ARMH3: variants seen among roughly 807,000 people sequenced by gnomAD.
ARMH3 encodes the protein armadillo like helical domain containing 3.
Under a neutral mutation model 99.1 loss-of-function variants are expected in ARMH3, and 60 were observed. That is an observed-to-expected ratio of 0.61 (90% CI 0.49 to 0.75). ARMH3 has a LOEUF of 0.75. ARMH3 is among the 30% of genes least tolerant of loss of function. The probability of loss-of-function intolerance (pLI) is 0.00; values close to 1 mark genes in which losing one functional copy is unlikely to be tolerated. For synonymous variants in ARMH3, 285 were observed against 292.8 expected (o/e 0.97, Z 0.27); for missense variants, 679 against 843.1 (o/e 0.81, Z 2.41).
chr10:101,956,926 A>T (rs1242600872), intron 21 of ARMH3, among the ~76,000 whole-genome samples: 2 of 152,182 alleles, frequency 1.3e-5, no homozygotes, highest in African/African-American at 4.8e-5. Flanking sequence ...TATTAAAATG[A>T]AAGTAATAAA....
At chr10:101,878,966 G>A (rs910262244) in intron 24 of ARMH3, among the ~76,000 whole-genome samples, 3 of 152,108 alleles carry the variant, frequency 2.0e-5, no homozygotes, top group Non-Finnish European at 1.5e-5. Flanking sequence ...ACCATACTGT[G>A]CCAGGATCTT....
intron 1 of ARMH3, among the ~76,000 whole-genome samples, chr10:102,050,036 G>A (rs181758660): frequency 2.0e-5 from 3 of 152,030 alleles, no homozygotes; most frequent in Admixed American, 6.5e-5. Flanking sequence ...CCAGCTACTC[G>A]GGAGTCTGAG....
At chr10:101,945,008 G>A (rs1006559602) in intron 22 of ARMH3, among the ~76,000 whole-genome samples, 1 of 152,144 alleles carries the variant, frequency 6.6e-6, no homozygotes, top group Admixed American at 6.5e-5. Flanking sequence ...GCATGGCAGA[G>A]TAAGCCCACT....
chr10:101,919,144 G>C (rs561200251), intron 23 of ARMH3, among the ~76,000 whole-genome samples: 7 of 152,252 alleles, frequency 4.6e-5, no homozygotes, highest in African/African-American at 1.7e-4. Context: ...AAGCAAAAAG[G>C]GGGAGGGGGC....
Position 101,956,666 on chromosome 10 carries a change from T to C in ARMH3, c.1636A>G (p.Ser546Gly), listed in dbSNP as rs372532953. ...TCATAGTAAAGTTCATCATAGCTGC[T>C]GGGGGTTGGCAGAAATGTGTCGCCA... ...TYGDTFLPTPSSYDELYYEII... is the reference protein window; with the variant it reads ...TYGDTFLPTPGSYDELYYEII... The change falls in exon 22 of 26, where the codon AGC (serine) becomes GGC (glycine). Residue 546 changes from serine (S) to glycine (G), a missense_variant. Ser to Gly is a moderately conservative substitution (Grantham distance 56). Around this residue, in one of 3 missense-constraint regions of ARMH3, gnomAD observed 389 missense variants for 456.5 expected, o/e 0.85. Transcript: ENST00000370033. The C allele has an allele frequency of 3.7e-6, 6 of 1,613,672 alleles. No homozygotes were observed. Among genetic ancestry groups the C allele is most frequent in the Non-Finnish European group, 5.1e-6 (6 of 1,179,726 alleles).
At chr10:101,992,996 C>A (rs1049864692) in intron 17 of ARMH3, among the ~76,000 whole-genome samples, 4 of 151,940 alleles carry the variant, frequency 2.6e-5, no homozygotes, top group African/African-American at 9.7e-5. Flanking sequence ...TCAGGCCAGG[C>A]GCGGTGGCTC....
At chr10:101,944,273 T>TATATAAAGAG (rs1844401380) in intron 22 of ARMH3, among the ~76,000 whole-genome samples, 1 of 25,408 alleles carries the variant, frequency 3.9e-5, no homozygotes, top group Non-Finnish European at 6.6e-5. Context: ...TATATATATA[T>TATATAAAGAG]AGAGAGAGAG....
intron 24 of ARMH3, among the ~76,000 whole-genome samples, chr10:101,887,011 C>G (rs2067564829): frequency 6.6e-6 from 1 of 152,142 alleles, no homozygotes; most frequent in Non-Finnish European, 1.5e-5. Context: ...TTTGAGAGGC[C>G]ATGAATACTG....
intron 22 of ARMH3, among the ~76,000 whole-genome samples, chr10:101,954,378 T>C (rs183005594): frequency 1.1e-4 from 16 of 152,284 alleles, no homozygotes; most frequent in African/African-American, 2.9e-4. Flanking sequence ...GAACTACTGA[T>C]AGATGCAATG....
At chr10:102,051,713 C>G (rs1293919510) in intron 1 of ARMH3, among the ~76,000 whole-genome samples, 1 of 152,148 alleles carries the variant, frequency 6.6e-6, no homozygotes. Context: ...GACTAAGAAG[C>G]AAATGGCAAA....
chr10:101,976,410 T>A lies in ARMH3; in HGVS notation c.1407-1110A>T, dbSNP rs1846014856. Among the ~76,000 whole-genome samples, 3 of 128,332 alleles carry A rather than the reference T, an allele frequency of 2.3e-5. No individual in the cohort carries two copies. In the South Asian group the frequency reaches 7.6e-4, roughly 33 times the overall value. The allele number at this position is 128,332 out of a possible 152,430, so 84.2% of individuals were successfully genotyped here. A position where few individuals can be genotyped will look rare whatever the true frequency, so the allele number is the denominator to read the frequency against. ...CTCTCTCTCTCTCTCTCTCTCTCTC[T>A]CTCACACACACACACACGCAATCAC... On this transcript the variant is annotated intron_variant, in intron 19 of 25. Transcript: ENST00000370033.
intron 17 of ARMH3, among the ~76,000 whole-genome samples, chr10:101,993,000 G>T (rs889612723): frequency 6.6e-6 from 1 of 152,152 alleles, no homozygotes; most frequent in Non-Finnish European, 1.5e-5. Flanking sequence ...GCCAGGCGCG[G>T]TGGCTCACAC....
intron 8 of ARMH3, among the ~76,000 whole-genome samples, chr10:102,016,080 A>G (rs2066744239): frequency 6.6e-6 from 1 of 152,238 alleles, no homozygotes; most frequent in Non-Finnish European, 1.5e-5. Context: ...GGCTGCAGTG[A>G]GCTGTGATCA....
At chr10:101,943,827 G>A (rs573083405) in intron 22 of ARMH3, among the ~76,000 whole-genome samples, 1 of 152,034 alleles carries the variant, frequency 6.6e-6, no homozygotes, top group Non-Finnish European at 1.5e-5. Flanking sequence ...CACTTTGGGA[G>A]GCCGAGGTGG....
intron 24 of ARMH3, among the ~76,000 whole-genome samples, chr10:101,874,312 A>T (rs1256439964): frequency 6.6e-6 from 1 of 152,162 alleles, no homozygotes; most frequent in Non-Finnish European, 1.5e-5. Flanking sequence ...ACTAGTCAAA[A>T]AAAAAATGTA....
intron 20 of ARMH3, among the ~76,000 whole-genome samples, chr10:101,958,121 A>G (rs1246158586): frequency 1.3e-5 from 2 of 152,164 alleles, no homozygotes; most frequent in Non-Finnish European, 2.9e-5. Flanking sequence ...GCTAGCTTCT[A>G]TTGTCATCAA....
chr10:102,033,260 CCA>C, intron 3 of ARMH3, 21 bp downstream of exon 3: 1 of 1,613,850 alleles, frequency 6.2e-7, no homozygotes, highest in Non-Finnish European at 8.5e-7. Flanking sequence ...CCAGGAAATT[CCA>C]CAGATGCCAC....
At chr10:101,931,048 C>T (rs1843699180) in intron 23 of ARMH3, among the ~76,000 whole-genome samples, 2 of 152,102 alleles carry the variant, frequency 1.3e-5, no homozygotes, top group African/African-American at 2.4e-5. Flanking sequence ...ACTCTAGAGT[C>T]CCCACTCTTA....
intron 19 of ARMH3, among the ~76,000 whole-genome samples, chr10:101,985,051 G>C (rs1279543550): frequency 6.8e-6 from 1 of 147,364 alleles, no homozygotes; most frequent in African/African-American, 2.5e-5. Flanking sequence ...CTGGGCAACA[G>C]AAAGAGACTC....
Sources: allele counts gnomAD v4.1 joint callset (sites outside exome capture counted in the v4.1 genomes callset), GRCh38; gene constraint gnomAD v4.1.1; regional missense constraint gnomAD v4.1.1; transcripts MANE v1.5; gene names NCBI Gene and HGNC (gene_info 2026-07-23, HGNC 2026-07-21).